Variants in PHYHIPL observed in about 807,000 individuals in gnomAD.
PHYHIPL encodes the protein phytanoyl-CoA hydroxylase-interacting protein-like.
PHYHIPL carries 9 observed loss-of-function variants against 33.4 expected under a neutral mutation model. The observed-to-expected ratio is 0.27, with a 90% CI of 0.16 to 0.47. The LOEUF is 0.47. PHYHIPL is among the 20% of genes least tolerant of loss of function. The pLI is 0.99. For synonymous variants in PHYHIPL, 153 were observed against 154.1 expected (o/e 0.99, Z 0.05); for missense variants, 365 against 460.7 (o/e 0.79, Z 1.90).
chr10:59,227,985 T>TACA (rs955595503), intron 1 of PHYHIPL, among the ~76,000 whole-genome samples: 3 of 151,792 alleles, frequency 2.0e-5, no homozygotes, highest in African/African-American at 7.3e-5. Flanking sequence ...GATATATATA[T>TACA]ATGTTTTAAA....
At chr10:59,204,269 A>G (rs1451968196) in intron 1 of PHYHIPL, among the ~76,000 whole-genome samples, 1 of 152,216 alleles carries the variant, frequency 6.6e-6, no homozygotes, top group East Asian at 1.9e-4. Flanking sequence ...ACACTAAAAT[A>G]TTATGAAAAT....
At chr10:59,220,844 T>C (rs1243881415) in intron 1 of PHYHIPL, among the ~76,000 whole-genome samples, 1 of 152,060 alleles carries the variant, frequency 6.6e-6, no homozygotes, top group East Asian at 1.9e-4. Flanking sequence ...TTGTACCTCA[T>C]TTTCTTATCT....
chr10:59,187,921 T>C (rs2133193540), intron 1 of PHYHIPL, among the ~76,000 whole-genome samples: 1 of 152,338 alleles, frequency 6.6e-6, no homozygotes, highest in African/African-American at 2.4e-5. Flanking sequence ...AACCACCTCC[T>C]GGATTCATTG....
chr10:59,181,268 T>G (rs534407435), intron 1 of PHYHIPL, among the ~76,000 whole-genome samples: 2 of 152,298 alleles, frequency 1.3e-5, no homozygotes, highest in African/African-American at 4.8e-5. Flanking sequence ...TAAAATTTCT[T>G]TTTTGCCAGT....
At chr10:59,206,213 G>T (rs1839280867) in intron 1 of PHYHIPL, among the ~76,000 whole-genome samples, 1 of 152,010 alleles carries the variant, frequency 6.6e-6, no homozygotes, top group South Asian at 2.1e-4. Flanking sequence ...GTTTCTCATG[G>T]GTAGAACTGT....
At chr10:59,234,861 G>A (rs914730345) in intron 2 of PHYHIPL, among the ~76,000 whole-genome samples, 1 of 151,850 alleles carries the variant, frequency 6.6e-6, no homozygotes, top group Non-Finnish European at 1.5e-5. Context: ...AGATACAGGT[G>A]TAAACTGGTA....
rs758399259 is a variant in PHYHIPL, at chr10:59,245,314, T to C, written c.854T>C (p.Ile285Thr). The C allele has an allele frequency of 1.2e-6, 2 of 1,614,080 alleles. No homozygotes were observed. The highest frequency in any genetic ancestry group is 3.3e-5 in the Admixed American group (2 of 60,008). Residue 285 changes from isoleucine to threonine, a missense_variant, in exon 5 of 5, where the codon ATT (isoleucine) becomes ACT (threonine). By Grantham distance (89) the Ile-to-Thr change is moderately conservative (BLOSUM62 -1). Transcript: ENST00000373880. ...YTAYHYVILV[I>T]APVGSPGDEF... Reference sequence around the variant, plus strand: ...GCTTATCATTATGTGATTCTTGTTATTGCTCCTGTGGGATCACCAGGAGAT... The same window carrying C: ...GCTTATCATTATGTGATTCTTGTTACTGCTCCTGTGGGATCACCAGGAGAT...
At chr10:59,195,340 A>G (rs1235667076) in intron 1 of PHYHIPL, among the ~76,000 whole-genome samples, 1 of 152,236 alleles carries the variant, frequency 6.6e-6, no homozygotes, top group Non-Finnish European at 1.5e-5. Context: ...TAAGCTGTGC[A>G]TGACGTGGGA....
At chr10:59,198,446 C>G (rs201908517) in intron 1 of PHYHIPL, among the ~76,000 whole-genome samples, 17 of 151,944 alleles carry the variant, frequency 1.1e-4, no homozygotes, top group African/African-American at 3.1e-4. Context: ...TTTTAATCCA[C>G]TCTATCATTG....
At chr10:59,242,084 C>A (rs1840418858) in intron 4 of PHYHIPL, among the ~76,000 whole-genome samples, 1 of 152,206 alleles carries the variant, frequency 6.6e-6, no homozygotes, top group African/African-American at 2.4e-5. Context: ...TATCCTCTCA[C>A]ATCTGTAAGG....
chr10:59,182,774 G>T (rs4336984), intron 1 of PHYHIPL, among the ~76,000 whole-genome samples: 52,603 of 151,912 alleles, frequency 0.35, 12,553 homozygotes, highest in African/African-American at 0.68. Flanking sequence ...TTAAGGGTAG[G>T]GACTGGAAAT....
At chr10:59,231,279 A>G (rs1840071689) in intron 1 of PHYHIPL, among the ~76,000 whole-genome samples, 2 of 152,116 alleles carry the variant, frequency 1.3e-5, no homozygotes, top group Admixed American at 1.3e-4. Context: ...TAATTCACCT[A>G]TTATAAGTAG....
At chr10:59,240,784 C>A (rs1014632682) in intron 4 of PHYHIPL, among the ~76,000 whole-genome samples, 3 of 152,032 alleles carry the variant, frequency 2.0e-5, no homozygotes, top group African/African-American at 7.2e-5. Context: ...CACTGGAGGG[C>A]AGTATCTCTC....
chr10:59,196,862 A>G (rs1838936300), intron 1 of PHYHIPL, among the ~76,000 whole-genome samples: 2 of 152,228 alleles, frequency 1.3e-5, no homozygotes, highest in East Asian at 1.9e-4. Flanking sequence ...GTATTCAAAG[A>G]TGGATTTCAT....
intron 1 of PHYHIPL, among the ~76,000 whole-genome samples, chr10:59,232,270 TA>T (rs1299362562): frequency 6.6e-6 from 1 of 151,996 alleles, no homozygotes; most frequent in Non-Finnish European, 1.5e-5. Context: ...GAAAGTTGCA[TA>T]AAAGTTAATC....
intron 1 of PHYHIPL, among the ~76,000 whole-genome samples, chr10:59,189,030 T>C (rs1326584938): frequency 6.6e-6 from 1 of 152,104 alleles, no homozygotes; most frequent in Non-Finnish European, 1.5e-5. Flanking sequence ...GTGTCAAATG[T>C]AGTGTGAACT....
intron 4 of PHYHIPL, among the ~76,000 whole-genome samples, chr10:59,243,746 A>T (rs1023566303): frequency 1.3e-5 from 2 of 151,710 alleles, no homozygotes; most frequent in African/African-American, 4.9e-5. Context: ...CTGGTCAGGG[A>T]CCCAGCAAAA....
upstream of PHYHIPL, among the ~76,000 whole-genome samples, chr10:59,173,921 GTTTTTTTTTTTTTTTTTTTTTT>G (rs368316005): frequency 8.3e-4 from 48 of 57,556 alleles, 2 homozygotes; most frequent in South Asian, 8.6e-3. Flanking sequence ...TACTTCTGAG[GTTTTTTTTTTTTTTTTTTTTTT>G]TTTTTTTTTT....
chr10:59,238,671 C>T lies in PHYHIPL; in HGVS notation c.562C>T (p.Arg188Cys), dbSNP rs2133294167. ...GRMLKFSVFY[R>C]NQHKEYFDYV... ...CATGCTTAAGTTTTCTGTTTTTTATCGTAATCAGCACAAAGAATATTTTGA... is the reference window on the plus strand; with the variant it reads ...CATGCTTAAGTTTTCTGTTTTTTATTGTAATCAGCACAAAGAATATTTTGA... The change falls in exon 4 of 5, where the codon CGT becomes TGT. Residue 188 changes from arginine (R) to cysteine (C), a missense_variant. Physicochemically the swap from Arg to Cys is radical, Grantham distance 180. Coordinates refer to ENST00000373880, the MANE Select transcript of PHYHIPL (RefSeq NM_032439.4). 3 of 1,599,606 alleles carry T rather than the reference C, an allele frequency of 1.9e-6. No homozygotes were observed. Among genetic ancestry groups the T allele is most frequent in the South Asian group, 1.1e-5 (1 of 90,664 alleles).
Sources: gnomAD v4.1 joint callset for allele counts (sites outside exome capture counted in the v4.1 genomes callset) on GRCh38, gnomAD v4.1.1 for gene constraint, MANE v1.5 for transcripts, NCBI Gene and HGNC (gene_info 2026-07-23, HGNC 2026-07-21) for gene names.